SAMD12: variants seen among roughly 807,000 people sequenced by gnomAD.
The protein encoded by SAMD12 is sterile alpha motif domain containing 12.
A neutral mutation model predicts 15.0 loss-of-function variants in SAMD12; 9 were observed. The ratio of observed to expected loss-of-function variants is 0.60; its 90% CI spans 0.36 to 1.05. The LOEUF is 1.05. SAMD12 is among the 50% of genes least tolerant of loss of function. The pLI is 0.01. For synonymous variants in SAMD12, 86 were observed against 90.1 expected (o/e 0.96, Z 0.25); for missense variants, 230 against 234.2 (o/e 0.98, Z 0.12).
intron 2 of SAMD12, among the ~76,000 whole-genome samples, chr8:118,572,248 C>T (rs577971292): frequency 6.0e-4 from 91 of 152,218 alleles, no homozygotes; most frequent in East Asian, 1.2e-3. Context: ...CAATGCCTGT[C>T]CCCCTGTAGG....
chr8:118,486,237 ACT>A, intron 2 of SAMD12, among the ~76,000 whole-genome samples: 1 of 150,396 alleles, frequency 6.6e-6, no homozygotes. Context: ...ACACGGTGAA[ACT>A]CCGTCTCTAC....
At chr8:118,448,818 G>A (rs1292506025) in intron 2 of SAMD12, among the ~76,000 whole-genome samples, 1 of 152,208 alleles carries the variant, frequency 6.6e-6, no homozygotes, top group African/African-American at 2.4e-5. Flanking sequence ...AGCACTGTGG[G>A]CCTTGGGCTG....
chr8:118,156,167 A>T, the SAMD12 span, among the ~76,000 whole-genome samples: 1 of 152,230 alleles, frequency 6.6e-6, no homozygotes, highest in Non-Finnish European at 1.5e-5. Flanking sequence ...GCTTAAGCAG[A>T]GGTGCTCTGT....
Position 118,502,814 on chromosome 8 carries a change from G to A in SAMD12, c.193-62853C>T, listed in dbSNP as rs114215416. Among the ~76,000 whole-genome samples, 1,189 of 152,306 alleles carry A rather than the reference G, an allele frequency of 7.8e-3. 13 individuals are homozygous for A. Among genetic ancestry groups the A allele is most frequent in the African/African-American group, 0.025 (1,050 of 41,576 alleles). ...TTTTGAAAATGGGAGGAATGGCTAAGTGTAGCAAGGTTCTCTCAAACGATA... is the reference window on the plus strand; with the variant it reads ...TTTTGAAAATGGGAGGAATGGCTAAATGTAGCAAGGTTCTCTCAAACGATA... On this transcript the variant is annotated intron_variant, in intron 2 of 3. Transcript: ENST00000314727.
chr8:118,202,086 A>T (rs924476916), intron 4 of SAMD12, among the ~76,000 whole-genome samples: 1 of 152,230 alleles, frequency 6.6e-6, no homozygotes, highest in Non-Finnish European at 1.5e-5. Context: ...CACCTTTAAA[A>T]TAGCAGTCAT....
At chr8:118,219,738 C>G (rs983442835) in intron 4 of SAMD12, among the ~76,000 whole-genome samples, 5 of 152,216 alleles carry the variant, frequency 3.3e-5, no homozygotes, top group African/African-American at 1.2e-4. Flanking sequence ...TGAGCCAGGT[C>G]TTGCAGCCAT....
intron 1 of SAMD12, among the ~76,000 whole-genome samples, chr8:118,587,691 T>C (rs978076783): frequency 2.0e-5 from 3 of 152,146 alleles, no homozygotes; most frequent in South Asian, 2.1e-4. Context: ...GCTACAAAGA[T>C]GAAAAAAAGT....
At chr8:118,132,906 G>A in the SAMD12 span, among the ~76,000 whole-genome samples, 1 of 143,390 alleles carries the variant, frequency 7.0e-6, no homozygotes, top group Non-Finnish European at 1.5e-5. Context: ...TATTTATTGT[G>A]GTGAGAGAAT....
Position 118,281,094 on chromosome 8 carries a change from A to G in SAMD12, c.434-83362T>C, listed in dbSNP as rs182016423. ...TAGTTGTACTAGCAAGGAAAATATC[A>G]TCATTTCTCTTTTAGAAATATGGAA... On this transcript the variant is annotated intron_variant, in intron 4 of 4. Coordinates refer to the SAMD12 transcript ENST00000409003. Among the ~76,000 whole-genome samples the G allele has an allele frequency of 8.2e-3, 987 of 120,218 alleles. 12 individuals carry two copies. Among genetic ancestry groups the G allele is most frequent in the African/African-American group, 0.025 (937 of 37,952 alleles). The allele number at this position is 120,218 out of a possible 152,430, so 78.9% of individuals were successfully genotyped here.
chr8:118,268,624 G>A (rs1462433016), intron 4 of SAMD12, among the ~76,000 whole-genome samples: 1 of 152,070 alleles, frequency 6.6e-6, no homozygotes. Flanking sequence ...AGACCAGCCT[G>A]GCCAACATGG....
the SAMD12 span, among the ~76,000 whole-genome samples, chr8:118,146,402 G>A: frequency 3.3e-5 from 5 of 152,242 alleles, no homozygotes; most frequent in African/African-American, 1.2e-4. Context: ...AAGAAATTCA[G>A]GCAGCATAAC....
intron 2 of SAMD12, among the ~76,000 whole-genome samples, chr8:118,536,483 C>CACACACACAT (rs1360675480): frequency 2.2e-3 from 327 of 150,402 alleles, no homozygotes; most frequent in African/African-American, 7.4e-3. Context: ...CACACACACA[C>CACACACACAT]ATAAATGGAT....
chr8:118,432,095 G>A (rs889843035), intron 3 of SAMD12, among the ~76,000 whole-genome samples: 5 of 151,964 alleles, frequency 3.3e-5, no homozygotes, highest in Admixed American at 2.6e-4. Context: ...ATTTTCTTTT[G>A]ATTGTTTATT....
At chr8:118,530,150 G>A (rs1352965865) in intron 2 of SAMD12, among the ~76,000 whole-genome samples, 1 of 152,104 alleles carries the variant, frequency 6.6e-6, no homozygotes, top group Non-Finnish European at 1.5e-5. Flanking sequence ...TTTTTCGTAT[G>A]TTTGTTGGCT....
chr8:118,438,418 A>AT (rs1822637137), intron 3 of SAMD12, among the ~76,000 whole-genome samples: 2 of 75,662 alleles, frequency 2.6e-5, no homozygotes, highest in Non-Finnish European at 5.4e-5. Context: ...TGTTTAAAAA[A>AT]AATTTTTTTT....
intron 4 of SAMD12, among the ~76,000 whole-genome samples, chr8:118,255,506 C>T (rs1343428299): frequency 1.1e-5 from 1 of 94,788 alleles, no homozygotes; most frequent in Non-Finnish European, 1.9e-5. Context: ...CCTCCCCCCT[C>T]CCCCCACCCC....
chr8:118,523,463 T>C (rs1353043881), intron 2 of SAMD12, among the ~76,000 whole-genome samples: 2 of 152,100 alleles, frequency 1.3e-5, no homozygotes, highest in Non-Finnish European at 2.9e-5. Flanking sequence ...GTAAATCACA[T>C]AGACAATTAG....
intron 4 of SAMD12, among the ~76,000 whole-genome samples, chr8:118,317,966 A>G (rs1057480245): frequency 6.6e-5 from 10 of 152,194 alleles, no homozygotes; most frequent in Admixed American, 2.0e-4. Flanking sequence ...ATCACTAAAC[A>G]TCAGGAAAAT....
chr8:118,343,166 T>C (rs1817458011), intron 4 of SAMD12, among the ~76,000 whole-genome samples: 1 of 151,976 alleles, frequency 6.6e-6, no homozygotes, highest in Non-Finnish European at 1.5e-5. Flanking sequence ...CAGGTCCTGC[T>C]CACCCCGTGC....
Sources: allele counts gnomAD v4.1 joint callset (sites outside exome capture counted in the v4.1 genomes callset), GRCh38; gene constraint gnomAD v4.1.1; transcripts MANE v1.5; gene names NCBI Gene and HGNC (gene_info 2026-07-23, HGNC 2026-07-21).